The following IKZF3 variants were observed in gnomAD, a reference collection of about 807,000 sequenced individuals.
IKZF3 encodes the protein zinc finger protein Aiolos.
A neutral mutation model predicts 49.0 loss-of-function variants in IKZF3; 10 were observed. The ratio of observed to expected loss-of-function variants is 0.20; its 90% confidence interval spans 0.13 to 0.35. IKZF3 has a LOEUF of 0.35. IKZF3 is among the 10% of genes least tolerant of loss of function. The pLI, the probability that IKZF3 is intolerant of heterozygous loss-of-function variation, is 1.00. For synonymous variants in IKZF3, 209 were observed against 228.2 expected (o/e 0.92, Z 0.76); for missense variants, 498 against 664.8 (o/e 0.75, Z 2.76).
At chr17:39,807,939 C>T (rs2061470630) in intron 3 of IKZF3, among the ~76,000 whole-genome samples, 1 of 152,058 alleles carries the variant, frequency 6.6e-6, no homozygotes, top group South Asian at 2.1e-4. Context: ...TGGAAATGTT[C>T]TAAAACATGG....
At chr17:39,858,106 GT>G (rs1442662617) in intron 1 of IKZF3, among the ~76,000 whole-genome samples, 1 of 152,014 alleles carries the variant, frequency 6.6e-6, no homozygotes, top group Non-Finnish European at 1.5e-5. Context: ...AAAAATAATA[GT>G]TTTGTTCTGT....
chr17:39,791,625 G>C (rs763783747), intron 4 of IKZF3, 42 bp from the exon 5 acceptor site: 1 of 1,598,126 alleles, frequency 6.3e-7, no homozygotes, highest in African/African-American at 1.3e-5. Flanking sequence ...TCACAGGCAA[G>C]TGGAGAAACA....
At chr17:39,845,875 C>A (rs1369866802) in intron 1 of IKZF3, among the ~76,000 whole-genome samples, 1 of 152,082 alleles carries the variant, frequency 6.6e-6, no homozygotes, top group East Asian at 1.9e-4. Flanking sequence ...AAAATTAATG[C>A]GACTTTTCAG....
intron 6 of IKZF3, among the ~76,000 whole-genome samples, chr17:39,784,426 A>G (rs1213093128): frequency 1.4e-5 from 2 of 147,846 alleles, no homozygotes; most frequent in African/African-American, 2.5e-5. Context: ...TTTTTTTGAG[A>G]TGGAGTCTTG....
At chr17:39,825,527 A>C (rs2061933583) in intron 3 of IKZF3, among the ~76,000 whole-genome samples, 1 of 152,206 alleles carries the variant, frequency 6.6e-6, no homozygotes, top group South Asian at 2.1e-4. Flanking sequence ...TGGGCTCTAA[A>C]GCATAGAGAT....
intron 1 of IKZF3, among the ~76,000 whole-genome samples, chr17:39,850,400 GTA>G (rs1278870320): frequency 8.6e-6 from 1 of 115,680 alleles, no homozygotes; most frequent in Non-Finnish European, 1.7e-5. Flanking sequence ...CATATTGTAT[GTA>G]TATATAATAT....
chr17:39,850,018 T>G (rs79411018), intron 1 of IKZF3, among the ~76,000 whole-genome samples: 10,509 of 132,886 alleles, frequency 0.079, 520 homozygotes, highest in Non-Finnish European at 0.085. Context: ...TTCCTGGGGG[T>G]GTGTGTGTGT....
At chr17:39,818,479 C>A (rs1347623466) in intron 3 of IKZF3, among the ~76,000 whole-genome samples, 2 of 152,158 alleles carry the variant, frequency 1.3e-5, no homozygotes, top group African/African-American at 4.8e-5. Flanking sequence ...ACTGAAACTG[C>A]AGAAAGTGAA....
At chr17:39,854,548 T>C (rs1340921897) in intron 1 of IKZF3, among the ~76,000 whole-genome samples, 1 of 152,164 alleles carries the variant, frequency 6.6e-6, no homozygotes, top group East Asian at 1.9e-4. Context: ...CTAGAAGTCA[T>C]TAGACAGCAA....
rs76090819 is a variant in IKZF3 at position 39,786,092 on chromosome 17, T to C, written c.709+2166A>G. 4.6e-3 allele frequency among the ~76,000 whole-genome samples: 698 copies of C among 152,360 alleles called. 2 individuals carry two copies. Among genetic ancestry groups the C allele is most frequent in the African/African-American group, 0.016 (658 of 41,586 alleles). On this transcript the variant is annotated intron_variant, in intron 6 of 7. Transcript: ENST00000346872. ...GAGTGACTGCTAATGAGCACAGCAC[T>C]GCTTTTGCGGATGGTGATAATGTTC...
At chr17:39,842,597 A>G (rs1028561412) in intron 1 of IKZF3, among the ~76,000 whole-genome samples, 1 of 152,212 alleles carries the variant, frequency 6.6e-6, no homozygotes, top group Admixed American at 6.5e-5. Flanking sequence ...ATAGTATTAG[A>G]CTATAACTCA....
chr17:39,837,097 T>C (rs1229174306), intron 1 of IKZF3, among the ~76,000 whole-genome samples: 1 of 151,902 alleles, frequency 6.6e-6, no homozygotes, highest in African/African-American at 2.4e-5. Context: ...GCCTGGCTAA[T>C]TTAAAAAAAA....
At chr17:39,801,287 T>C (rs1459124922) in intron 3 of IKZF3, among the ~76,000 whole-genome samples, 10 of 150,790 alleles carry the variant, frequency 6.6e-5, no homozygotes, top group Admixed American at 6.6e-4. Context: ...ATGCCACTGA[T>C]TTGCTATGCC....
At chr17:39,851,538 G>A (rs1415312937) in intron 1 of IKZF3, among the ~76,000 whole-genome samples, 1 of 152,066 alleles carries the variant, frequency 6.6e-6, no homozygotes, top group African/African-American at 2.4e-5. Context: ...AAAATCTATT[G>A]AGGAAAAGAA....
At chr17:39,804,631 G>A (rs1320580593) in intron 3 of IKZF3, among the ~76,000 whole-genome samples, 1 of 152,028 alleles carries the variant, frequency 6.6e-6, no homozygotes, top group Admixed American at 6.6e-5. Context: ...TCAGAATAAG[G>A]TCCATGGCCC....
intron 3 of IKZF3, among the ~76,000 whole-genome samples, chr17:39,794,033 A>G (rs2061099897): frequency 6.6e-6 from 1 of 152,226 alleles, no homozygotes; most frequent in Non-Finnish European, 1.5e-5. Flanking sequence ...TTAGAAATCA[A>G]AAGTTGTACC....
At chr17:39,845,422 G>A (rs760927970) in intron 1 of IKZF3, among the ~76,000 whole-genome samples, 1 of 151,972 alleles carries the variant, frequency 6.6e-6, no homozygotes, top group Admixed American at 6.6e-5. Context: ...TACTCAGGAG[G>A]GGGAGGCAGG....
intron 6 of IKZF3, among the ~76,000 whole-genome samples, chr17:39,784,492 C>T (rs899005277): frequency 6.6e-6 from 1 of 152,082 alleles, no homozygotes; most frequent in African/African-American, 2.4e-5. Flanking sequence ...CAACCTCCAC[C>T]TCCTGGATTC....
At chr17:39,837,228 C>G (rs1309693133) in intron 1 of IKZF3, among the ~76,000 whole-genome samples, 4 of 151,980 alleles carry the variant, frequency 2.6e-5, no homozygotes, top group African/African-American at 9.7e-5. Context: ...AGCCACTGTG[C>G]CTGGCCTGGT....
Sources: gnomAD v4.1 joint callset for allele counts (sites outside exome capture counted in the v4.1 genomes callset) on GRCh38, gnomAD v4.1.1 for gene constraint, MANE v1.5 for transcripts, NCBI Gene and HGNC (gene_info 2026-07-23, HGNC 2026-07-21) for gene names.